DTL: variants seen among roughly 807,000 people sequenced by gnomAD.
DTL encodes denticleless protein homolog.
A neutral mutation model predicts 87.0 loss-of-function variants in DTL; 46 were observed. That is an observed-to-expected ratio of 0.53 (90% CI 0.42 to 0.68). The LOEUF is 0.68. Ranked by LOEUF, DTL falls within the 30% of genes least tolerant of loss-of-function variation. The pLI is 0.00. For synonymous variants in DTL, 308 were observed against 311.2 expected (o/e 0.99, Z 0.11); for missense variants, 737 against 869.4 (o/e 0.85, Z 1.91).
rs757185337 is a variant in DTL, at chr1:212,100,731, G to A, written c.1741G>A (p.Val581Ile). 8 of 1,614,050 alleles carry A rather than the reference G, an allele frequency of 5.0e-6. No homozygotes were observed. The highest frequency in any genetic ancestry group is 6.8e-6 in the Non-Finnish European group (8 of 1,180,054). Reference sequence around the variant, plus strand: ...CTGTGTGACTGAGCTTGATGGCCAAGTTGAAAATCTTCATTTGGATCTGTG... The same window carrying A: ...CTGTGTGACTGAGCTTGATGGCCAAATTGAAAATCTTCATTTGGATCTGTG... Reference protein sequence around the residue: ...CNCVTELDGQVENLHLDLCCL... With the variant: ...CNCVTELDGQIENLHLDLCCL... The change falls in exon 14 of 15, where the codon GTT becomes ATT. Residue 581 changes from valine (V) to isoleucine (I), a missense_variant. By Grantham distance (29) the Val-to-Ile change is conservative. Coordinates refer to ENST00000366991, the MANE Select transcript of DTL (RefSeq NM_016448.4).
chr1:212,062,963 A>G lies in DTL; in HGVS notation c.526+14A>G, dbSNP rs1654377245. 1.9e-6 allele frequency: 3 copies of G among 1,600,836 alleles called. No homozygotes were observed. The highest frequency in any genetic ancestry group is 1.3e-5 in the African/African-American group (1 of 74,680). On this transcript the variant is annotated intron_variant, in intron 6 of 14. Transcript: ENST00000366991. ...GCAACAAAAAAGGTTATCTAGATCT[A>G]TTTTAATTTTGAGAGATTTGGGATT...
At chr1:212,094,710 G>C (rs932862080) in intron 13 of DTL, among the ~76,000 whole-genome samples, 19 of 152,144 alleles carry the variant, frequency 1.2e-4, no homozygotes, top group African/African-American at 4.6e-4. Context: ...TATTTTCACA[G>C]CATTGATTCT....
Position 212,103,984 on chromosome 1 carries a change from G to A in DTL, c.*1044G>A, listed in dbSNP as rs1655699877. Reference sequence around the variant, plus strand: ...AGCCTTTTAGTATAGATAGCCCTGAGCCAAAAAGTAATAGAATTTTCTCTA... The same window carrying A: ...AGCCTTTTAGTATAGATAGCCCTGAACCAAAAAGTAATAGAATTTTCTCTA... On this transcript the variant is annotated 3_prime_UTR_variant, in exon 15 of 15. Coordinates refer to ENST00000366991, the MANE Select transcript of DTL (RefSeq NM_016448.4). 2 of 152,126 alleles carry A rather than the reference G, an allele frequency of 1.3e-5. No individual in the cohort carries two copies. Among genetic ancestry groups the A allele is most frequent in the Non-Finnish European group, 2.9e-5 (2 of 68,022 alleles). 9.4% of individuals were successfully genotyped at this position (152,126 alleles called of 1,614,324 possible). A position where few individuals can be genotyped will look rare whatever the true frequency, so the allele number is the denominator to read the frequency against.
chr1:212,046,364 G>A (rs542701789), intron 3 of DTL, among the ~76,000 whole-genome samples: 6 of 152,156 alleles, frequency 3.9e-5, no homozygotes, highest in Non-Finnish European at 8.8e-5. Context: ...TGCCGTGGTG[G>A]TTTGCTGCAC....
chr1:212,038,832 A>G (rs1403584958), intron 1 of DTL, among the ~76,000 whole-genome samples: 1 of 152,218 alleles, frequency 6.6e-6, no homozygotes, highest in African/African-American at 2.4e-5. Context: ...ATAATTTCTG[A>G]CCATATTGGG....
In DTL at chr1:212,071,399, A is replaced by C. The variant is rs1654665840; in HGVS notation, c.923-702A>C. Among the ~76,000 whole-genome samples, 3 of 152,190 alleles carry C rather than the reference A, an allele frequency of 2.0e-5. No homozygotes were observed. In the South Asian group the frequency reaches 6.2e-4, roughly 32 times the overall value. ...AGAACCTGTTAAGAACATATGCTAG[A>C]TTGGGTTACCTGCCCTTTTGCCATT... On this transcript the variant is annotated intron_variant, in intron 10 of 14. Transcript: ENST00000366991.
chr1:212,097,895 T>G (rs550029058), intron 13 of DTL, among the ~76,000 whole-genome samples: 2 of 127,048 alleles, frequency 1.6e-5, no homozygotes, highest in African/African-American at 6.2e-5. Context: ...CTGTTTAAAT[T>G]CTTTTGTCCC....
chr1:212,059,557 T>TA (rs1023669678), intron 5 of DTL, among the ~76,000 whole-genome samples: 15 of 152,058 alleles, frequency 9.9e-5, no homozygotes, highest in Admixed American at 6.6e-5. Context: ...GACTCACAGT[T>TA]AACACCACAC....
chr1:212,073,899 A>G (rs1453601824), intron 11 of DTL, among the ~76,000 whole-genome samples: 6 of 151,768 alleles, frequency 4.0e-5, no homozygotes, highest in Non-Finnish European at 8.8e-5. Flanking sequence ...TTCAGTTTCA[A>G]ATTTGGTCTT....
chr1:212,057,137 C>G (rs1365819721), intron 5 of DTL, among the ~76,000 whole-genome samples: 1 of 152,052 alleles, frequency 6.6e-6, no homozygotes, highest in African/African-American at 2.4e-5. Flanking sequence ...TATCCACATA[C>G]AGGAGGCTCC....
intron 13 of DTL, among the ~76,000 whole-genome samples, chr1:212,089,781 G>T (rs1186190186): frequency 1.6e-4 from 24 of 152,146 alleles, no homozygotes. Context: ...TTTCATACCA[G>T]CCTTATCAGT....
intron 1 of DTL, among the ~76,000 whole-genome samples, chr1:212,038,339 GT>G (rs1211425617): frequency 1.3e-5 from 2 of 152,194 alleles, no homozygotes; most frequent in Non-Finnish European, 2.9e-5. Context: ...AGCTGTGTGG[GT>G]TGATTAGCAC....
intron 5 of DTL, among the ~76,000 whole-genome samples, chr1:212,056,542 C>A (rs1338094459): frequency 6.6e-6 from 1 of 152,154 alleles, no homozygotes; most frequent in Non-Finnish European, 1.5e-5. Flanking sequence ...GCAACTGTTA[C>A]ACCAGGTGCA....
chr1:212,090,569 G>T (rs1050203783), intron 13 of DTL, among the ~76,000 whole-genome samples: 2 of 152,202 alleles, frequency 1.3e-5, no homozygotes, highest in African/African-American at 2.4e-5. Flanking sequence ...TGTTGTCTGT[G>T]GTAGGGCCCG....
intron 13 of DTL, among the ~76,000 whole-genome samples, chr1:212,090,296 C>G (rs146099540): frequency 1.3e-5 from 2 of 152,094 alleles, no homozygotes; most frequent in Admixed American, 6.5e-5. Flanking sequence ...GTGAAAAACA[C>G]AGGGTAAAAA....
intron 10 of DTL, among the ~76,000 whole-genome samples, chr1:212,069,993 G>A (rs1654624280): frequency 6.6e-6 from 1 of 152,288 alleles, no homozygotes; most frequent in South Asian, 2.1e-4. Context: ...AGGAGCAATA[G>A]TATTTAGAAA....
At chr1:212,083,440 T>A (rs1340616994) in intron 13 of DTL, among the ~76,000 whole-genome samples, 2 of 152,066 alleles carry the variant, frequency 1.3e-5, no homozygotes, top group Non-Finnish European at 2.9e-5. Flanking sequence ...AGGGATAGTG[T>A]AAATGTGGTA....
At chr1:212,045,343 C>G (rs1332183712) in intron 3 of DTL, among the ~76,000 whole-genome samples, 1 of 152,182 alleles carries the variant, frequency 6.6e-6, no homozygotes, top group East Asian at 1.9e-4. Flanking sequence ...TTAACTGTGA[C>G]AATGCCTTTA....
intron 11 of DTL, among the ~76,000 whole-genome samples, chr1:212,075,801 C>A (rs1451476166): frequency 2.0e-5 from 3 of 152,054 alleles, no homozygotes; most frequent in Non-Finnish European, 4.4e-5. Flanking sequence ...CAGTGTTGTA[C>A]CAACATCACC....
Sources: gnomAD v4.1 joint callset for allele counts (sites outside exome capture counted in the v4.1 genomes callset) on GRCh38, gnomAD v4.1.1 for gene constraint, MANE v1.5 for transcripts, NCBI Gene and HGNC (gene_info 2026-07-23, HGNC 2026-07-21) for gene names.